CCBE1: variants seen among roughly 807,000 people sequenced by gnomAD.
CCBE1 encodes the protein collagen and calcium binding EGF domains 1.
A neutral mutation model predicts 50.0 loss-of-function variants in CCBE1; 37 were observed. That is an observed-to-expected ratio of 0.74 (90% CI 0.57 to 0.97). The LOEUF (loss-of-function observed/expected upper bound fraction) is 0.97, where lower values mean the gene tolerates loss of function less well. Ranked by LOEUF, CCBE1 falls within the 50% of genes least tolerant of loss-of-function variation. The pLI, the probability that CCBE1 is intolerant of heterozygous loss-of-function variation, is 0.00. For missense variants in CCBE1, 538 were observed against 523.8 expected (o/e 1.03, Z -0.26); for synonymous variants, 234 against 203.7 (o/e 1.15, Z -1.27).
chr18:59,647,449 T>C (rs148357351), intron 2 of CCBE1, among the ~76,000 whole-genome samples: 1 of 152,384 alleles, frequency 6.6e-6, no homozygotes, highest in Admixed American at 6.5e-5. Flanking sequence ...ATTTTTGTAT[T>C]GTTTTCATAC....
At chr18:59,500,828 T>C (rs1176375518) in intron 2 of CCBE1, among the ~76,000 whole-genome samples, 4 of 152,144 alleles carry the variant, frequency 2.6e-5, no homozygotes, top group Admixed American at 2.6e-4. Flanking sequence ...CTACTGCTGT[T>C]GGATCCCTCC....
intron 9 of CCBE1, 125 bp downstream of exon 9, chr18:59,439,418 G>C: frequency 8.5e-7 from 1 of 1,182,392 alleles, no homozygotes; most frequent in Non-Finnish European, 1.3e-6. Flanking sequence ...AATGAGCCAA[G>C]ATTGTGCCAT....
At chr18:59,541,981 G>T (rs1392306106) in intron 2 of CCBE1, among the ~76,000 whole-genome samples, 3 of 152,104 alleles carry the variant, frequency 2.0e-5, no homozygotes, top group Admixed American at 1.3e-4. Flanking sequence ...GTTCAAGACT[G>T]GCTTGGGCAA....
intron 2 of CCBE1, among the ~76,000 whole-genome samples, chr18:59,528,434 C>G (rs999076295): frequency 6.6e-6 from 1 of 152,144 alleles, no homozygotes; most frequent in Non-Finnish European, 1.5e-5. Context: ...CAGTGAAGTT[C>G]GTTATTACCC....
At chr18:59,497,478 C>T (rs1913409164) in intron 2 of CCBE1, among the ~76,000 whole-genome samples, 1 of 152,164 alleles carries the variant, frequency 6.6e-6, no homozygotes, top group African/African-American at 2.4e-5. Context: ...TAGAATAGAG[C>T]AGGGCCAGCT....
At chr18:59,542,173 CA>C (rs55950963) in intron 2 of CCBE1, among the ~76,000 whole-genome samples, 3,875 of 134,880 alleles carry the variant, frequency 0.029, 107 homozygotes, top group East Asian at 0.12. Context: ...GATCCTGTCT[CA>C]AAAAAAAAAA....
intron 9 of CCBE1, among the ~76,000 whole-genome samples, 185 bp from the exon 10 acceptor site, chr18:59,438,331 TG>T (rs1223399488): frequency 6.6e-6 from 1 of 152,254 alleles, no homozygotes; most frequent in African/African-American, 2.4e-5. Flanking sequence ...TTGGGTCAAG[TG>T]TCTCTCATTC....
chr18:59,629,802 C>T (rs144562981), intron 2 of CCBE1, among the ~76,000 whole-genome samples: 7 of 152,138 alleles, frequency 4.6e-5, no homozygotes, highest in South Asian at 2.1e-4. Context: ...AACAGCTTGT[C>T]GGGGGAAGGT....
intron 2 of CCBE1, among the ~76,000 whole-genome samples, chr18:59,483,412 C>T (rs1246050429): frequency 1.3e-5 from 2 of 152,056 alleles, no homozygotes; most frequent in African/African-American, 4.8e-5. Context: ...ATCCCCAGTC[C>T]AAAAATCTGA....
intron 2 of CCBE1, among the ~76,000 whole-genome samples, chr18:59,615,501 GA>G (rs11451658): frequency 2.1e-4 from 31 of 147,740 alleles, no homozygotes; most frequent in Middle Eastern, 3.5e-3. Context: ...AACTGTCGGA[GA>G]AAAAAAAAAA....
At chr18:59,671,255 T>C (rs762947942) in intron 2 of CCBE1, among the ~76,000 whole-genome samples, 1 of 151,794 alleles carries the variant, frequency 6.6e-6, no homozygotes, top group Non-Finnish European at 1.5e-5. Context: ...TCCCAGCACT[T>C]TGGGAGGCAG....
intron 2 of CCBE1, among the ~76,000 whole-genome samples, chr18:59,681,834 A>T (rs118188663): frequency 3.9e-5 from 6 of 152,260 alleles, no homozygotes; most frequent in South Asian, 2.1e-4. Context: ...TAAGTACTGC[A>T]GAGTCTCCCT....
chr18:59,601,385 G>T (rs150642124), intron 2 of CCBE1, among the ~76,000 whole-genome samples: 6,578 of 152,048 alleles, frequency 0.043, 385 homozygotes, highest in African/African-American at 0.13. Context: ...AGATCTGATG[G>T]TTTTATAAAG....
intron 2 of CCBE1, among the ~76,000 whole-genome samples, chr18:59,538,546 G>A (rs1915341373): frequency 6.6e-6 from 1 of 152,124 alleles, no homozygotes; most frequent in Non-Finnish European, 1.5e-5. Context: ...TAATGGCATT[G>A]AAATATATGT....
chr18:59,539,216 A>AAAC (rs1555689632), intron 2 of CCBE1, among the ~76,000 whole-genome samples: 9 of 151,838 alleles, frequency 5.9e-5, no homozygotes, highest in African/African-American at 2.2e-4. Flanking sequence ...ACAAAAAAAA[A>AAAC]CAGCAAGAAA....
intron 2 of CCBE1, among the ~76,000 whole-genome samples, chr18:59,679,437 C>T (rs563517339): frequency 1.6e-4 from 24 of 152,326 alleles, no homozygotes; most frequent in Admixed American, 1.0e-3. Context: ...GAGATGAATG[C>T]TGACATATGT....
At chr18:59,487,667 G>A (rs1267997760) in intron 2 of CCBE1, among the ~76,000 whole-genome samples, 1 of 152,132 alleles carries the variant, frequency 6.6e-6, no homozygotes, top group Non-Finnish European at 1.5e-5. Flanking sequence ...CTACATGTAA[G>A]CTTGTTATTA....
intron 2 of CCBE1, among the ~76,000 whole-genome samples, chr18:59,519,387 C>G (rs1914505369): frequency 6.6e-6 from 1 of 152,174 alleles, no homozygotes; most frequent in Non-Finnish European, 1.5e-5. Context: ...ACACTAATAT[C>G]ACACTAAATA....
intron 2 of CCBE1, among the ~76,000 whole-genome samples, chr18:59,508,996 A>C (rs1243464054): frequency 1.3e-5 from 2 of 152,188 alleles, no homozygotes; most frequent in Non-Finnish European, 1.5e-5. Flanking sequence ...GCTGGGTTGC[A>C]TTCTATGGTC....
Sources: allele counts gnomAD v4.1 joint callset (sites outside exome capture counted in the v4.1 genomes callset), GRCh38; gene constraint gnomAD v4.1.1; transcripts MANE v1.5; gene names NCBI Gene and HGNC (gene_info 2026-07-23, HGNC 2026-07-21).